STAC: variants seen among roughly 807,000 people sequenced by gnomAD.
STAC encodes SH3 and cysteine rich domain, also known as SH3 and cysteine-rich domain-containing protein.
In STAC, 43 loss-of-function variants were observed where a neutral mutation model predicts 48.8. The ratio of observed to expected loss-of-function variants is 0.88; its 90% CI spans 0.69 to 1.14. The LOEUF (loss-of-function observed/expected upper bound fraction) is 1.14, where lower values mean the gene tolerates loss of function less well. Ranked by LOEUF, STAC falls within the 50% of genes most tolerant of loss-of-function variation. The pLI is 0.00. For missense variants in STAC, 497 were observed against 504.0 expected (o/e 0.99, Z 0.13); for synonymous variants, 193 against 179.5 (o/e 1.07, Z -0.60).
chr3:36,425,965 G>A (rs1700554467), intron 1 of STAC, among the ~76,000 whole-genome samples: 2 of 152,202 alleles, frequency 1.3e-5, no homozygotes, highest in Non-Finnish European at 2.9e-5. Context: ...CGGTGGGGCA[G>A]AGGTTGCAGT....
chr3:36,422,614 C>CA lies in STAC; in HGVS notation c.112-20744dup, dbSNP rs1335936840. ...ATATAAAAATATCTATAACCTACTA[C>CA]AAAAAATGATTATGTTTTGAGCATT... On this transcript the variant is annotated intron_variant, in intron 1 of 10. Transcript: ENST00000273183. 7.9e-5 allele frequency among the ~76,000 whole-genome samples: 12 copies of CA among 152,138 alleles called. No homozygotes were observed. The East Asian group carries it at 2.3e-3, about 29-fold the overall frequency.
chr3:36,442,953 AAGAG>A (rs1349616208), intron 1 of STAC, among the ~76,000 whole-genome samples: 1 of 152,222 alleles, frequency 6.6e-6, no homozygotes, highest in Non-Finnish European at 1.5e-5. Context: ...AAGTGATCAT[AAGAG>A]AGAAAGGCCA....
At position 36,443,366 on chromosome 3, in the gene STAC, C is replaced by T; in HGVS notation, c.114C>T (p.Leu38=). The change falls in exon 2 of 11, where the codon CTC becomes CTT. Residue 38 remains leucine, a splice_region_variant and synonymous_variant. Coordinates refer to ENST00000273183, the MANE Select transcript of STAC (RefSeq NM_003149.3). The surrounding 1 kb of genome is among the most constrained non-coding windows in gnomAD (Gnocchi z 4.2). ...ACTGTTCTGTCATTGCATTGCAGCT[C>T]CAGAAACTAAAACGATCACTTTCTT... ...PASTSSQESK[L]QKLKRSLSFK... The T allele has an allele frequency of 6.2e-7, 1 of 1,614,144 alleles. No individual in the cohort carries two copies. The highest frequency in any genetic ancestry group is 8.5e-7 in the Non-Finnish European group (1 of 1,180,028).
At chr3:36,499,233 G>T (rs1360156738) in intron 6 of STAC, among the ~76,000 whole-genome samples, 1 of 152,158 alleles carries the variant, frequency 6.6e-6, no homozygotes, top group Non-Finnish European at 1.5e-5. Context: ...AAAGAAAGTG[G>T]TAAACATGTG....
intron 8 of STAC, among the ~76,000 whole-genome samples, chr3:36,522,126 A>G (rs1698823006): frequency 2.0e-5 from 3 of 152,184 alleles, no homozygotes; most frequent in Admixed American, 2.0e-4. Flanking sequence ...CAAAGTAAAT[A>G]TAGCTCACAA....
Position 36,451,317 on chromosome 3 carries a change from T to G in STAC, c.388+7677T>G, listed in dbSNP as rs114815330. On this transcript the variant is annotated intron_variant, in intron 2 of 10. Coordinates refer to ENST00000273183, the MANE Select transcript of STAC (RefSeq NM_003149.3). The stretch of plus-strand genomic sequence containing the variant: ...AAATAAATATGGTATTTTGTTCCCC[T>G]ATGATTTCAGATAAATTTACCAAAC... Among the ~76,000 whole-genome samples, 1,070 of 152,354 alleles carry G rather than the reference T, an allele frequency of 7.0e-3. 11 individuals carry two copies. Among genetic ancestry groups the G allele is most frequent in the African/African-American group, 0.025 (1,024 of 41,586 alleles).
chr3:36,480,869 G>A (rs1363856982), intron 2 of STAC, among the ~76,000 whole-genome samples: 1 of 152,108 alleles, frequency 6.6e-6, no homozygotes, highest in South Asian at 2.1e-4. Flanking sequence ...TGGGAATATC[G>A]AGGCAAATTA....
chr3:36,426,637 G>A (rs1700571396), intron 1 of STAC, among the ~76,000 whole-genome samples: 1 of 152,114 alleles, frequency 6.6e-6, no homozygotes, highest in Admixed American at 6.5e-5. Flanking sequence ...CAGACTAGAG[G>A]AAAGGTCTCC....
At position 36,453,616 on chromosome 3, in the gene STAC, C is replaced by T. The variant is rs184443505; in HGVS notation, c.388+9976C>T. Among the ~76,000 whole-genome samples the T allele has an allele frequency of 1.2e-4, 12 of 102,958 alleles. 3 individuals are homozygous for T. The East Asian group carries it at 2.3e-3, about 20-fold the overall frequency. The allele number at this position is 102,958 out of a possible 152,430, so 67.5% of individuals were successfully genotyped here. ...CCGTGGGTTCCTGTGCGGCTGGAGC[C>T]TCCCTGACGAGCGCCGCCCCCTGCT... On this transcript the variant is annotated intron_variant, in intron 2 of 10. Transcript: ENST00000273183.
chr3:36,434,414 A>C (rs1044309324), intron 1 of STAC, among the ~76,000 whole-genome samples: 3 of 152,242 alleles, frequency 2.0e-5, no homozygotes, highest in Non-Finnish European at 4.4e-5. Context: ...TTTAAAAATC[A>C]AAGATGTAGA....
intron 10 of STAC, among the ~76,000 whole-genome samples, chr3:36,540,322 T>C (rs574647615): frequency 5.3e-5 from 8 of 152,014 alleles, no homozygotes; most frequent in Admixed American, 1.3e-4. Flanking sequence ...AAATTTGGGG[T>C]AATTTATTGT....
chr3:36,443,320 G>A lies in STAC; in HGVS notation c.112-44G>A, dbSNP rs747432868. 6.2e-7 allele frequency: 1 copy of A among 1,609,588 alleles called. No individual in the cohort carries two copies. Among genetic ancestry groups the A allele is most frequent in the Non-Finnish European group, 8.5e-7 (1 of 1,178,002 alleles). ...TTACCCCCACAGCCTAGGTCTGCTT[G>A]ATCCATTGATCGTAAGAGAGACTGT... is the stretch of plus-strand genomic sequence containing the variant. On this transcript the variant is annotated intron_variant, in intron 1 of 10. Coordinates refer to ENST00000273183, the MANE Select transcript of STAC (RefSeq NM_003149.3). This position sits in a 1 kb window ranked among gnomAD's most constrained non-coding sequence, Gnocchi z 4.2.
rs74825648 is a variant in STAC at position 36,395,871 on chromosome 3, G to C, written c.111+15117G>C. Among the ~76,000 whole-genome samples, 176 of 151,700 alleles carry C rather than the reference G, an allele frequency of 1.2e-3. 3 individuals are homozygous for C. The East Asian group carries it at 0.026, about 22-fold the overall frequency. Reference sequence around the variant, plus strand: ...AGCAAGAAGATAGCAGCAAGGGCCAGAATCATCCAACAAGAAAACACATTG... The same window carrying C: ...AGCAAGAAGATAGCAGCAAGGGCCACAATCATCCAACAAGAAAACACATTG... On this transcript the variant is annotated intron_variant, in intron 1 of 10. Coordinates refer to ENST00000273183, the MANE Select transcript of STAC (RefSeq NM_003149.3).
chr3:36,405,159 A>C (rs1700066442), intron 1 of STAC, among the ~76,000 whole-genome samples: 1 of 152,166 alleles, frequency 6.6e-6, no homozygotes, highest in Non-Finnish European at 1.5e-5. Context: ...GGCTTGCACC[A>C]AGCTGCTGGC....
At chr3:36,453,326 C>G (rs554072767) in intron 2 of STAC, among the ~76,000 whole-genome samples, 328 of 152,338 alleles carry the variant, frequency 2.2e-3, no homozygotes, top group South Asian at 3.7e-3. Context: ...GCTCCCTCAG[C>G]TTGCGGCGAG....
intron 6 of STAC, among the ~76,000 whole-genome samples, chr3:36,494,837 G>T (rs1698095872): frequency 6.6e-6 from 1 of 152,188 alleles, no homozygotes; most frequent in African/African-American, 2.4e-5. Context: ...GCACAGCAGG[G>T]CCATCCCAGC....
chr3:36,488,547 T>G lies in STAC; in HGVS notation c.687+2298T>G, dbSNP rs371424305. On this transcript the variant is annotated intron_variant, in intron 5 of 10. Transcript: ENST00000273183. ...GTTGATCTCTGTCACATTCCTTTAG[T>G]TCAAGCACCGTCTCTACATTGATGA... Among the ~76,000 whole-genome samples, 8 of 152,302 alleles carry G rather than the reference T, an allele frequency of 5.3e-5. No homozygotes were observed. The South Asian group carries it at 1.7e-3, about 32-fold the overall frequency.
intron 1 of STAC, among the ~76,000 whole-genome samples, chr3:36,389,307 T>A (rs1229546656): frequency 6.6e-6 from 1 of 152,162 alleles, no homozygotes; most frequent in Non-Finnish European, 1.5e-5. Flanking sequence ...GCAGAGGGCC[T>A]GTTTCCTGGT....
chr3:36,519,432 C>T (rs1575257753), intron 8 of STAC, among the ~76,000 whole-genome samples: 1 of 152,292 alleles, frequency 6.6e-6, no homozygotes, highest in South Asian at 2.1e-4. Flanking sequence ...GGACTAGAAC[C>T]CTTGGAGGTG....
Sources: allele counts gnomAD v4.1 joint callset (sites outside exome capture counted in the v4.1 genomes callset), GRCh38; gene constraint gnomAD v4.1.1; non-coding constraint Gnocchi (gnomAD v3.1); transcripts MANE v1.5; gene names NCBI Gene and HGNC (gene_info 2026-07-23, HGNC 2026-07-21).